BCAS3: variants seen among roughly 807,000 people sequenced by gnomAD.
BCAS3 encodes the protein BCAS4/BCAS3 fusion.
Under a neutral mutation model 116.1 loss-of-function variants are expected in BCAS3, and 53 were observed. The ratio of observed to expected loss-of-function variants is 0.46; its 90% CI spans 0.37 to 0.57. The LOEUF is 0.57. BCAS3 is among the 20% of genes least tolerant of loss of function. The probability of loss-of-function intolerance (pLI) is 0.00; values close to 1 mark genes in which losing one functional copy is unlikely to be tolerated. For synonymous variants in BCAS3, 391 were observed against 408.2 expected, an observed-to-expected ratio of 0.96 and a Z score of 0.51; for missense variants, 917 against 1,165.4, an observed-to-expected ratio of 0.79 and a Z score of 3.10.
chr17:60,851,394 A>G (rs1263032291), intron 7 of BCAS3: 6 of 384,390 alleles, frequency 1.6e-5, no homozygotes. Flanking sequence ...GCCCGAGAGG[A>G]AGGTCAGCTC....
chr17:60,712,648 T>G (rs1042301009), intron 5 of BCAS3, among the ~76,000 whole-genome samples: 3 of 152,210 alleles, frequency 2.0e-5, no homozygotes, highest in African/African-American at 7.2e-5. Context: ...TGAGTAGTTT[T>G]GTAGTTAAGG....
chr17:61,380,613 C>T lies in BCAS3; in HGVS notation c.2594-11364C>T, dbSNP rs532033557. 11 of 1,572,720 alleles carry T rather than the reference C, an allele frequency of 7.0e-6. No homozygotes were observed. The African/African-American group carries it at 8.1e-5, about 12-fold the overall frequency. ...CTTTGCCTATGTGGAAGGGGTTGTC[C>T]CGTTGCTTCTTTTGTCCCTCAAGAG... On this transcript the variant is annotated intron_variant, in intron 23 of 23. Coordinates refer to ENST00000407086, the MANE Select transcript of BCAS3 (RefSeq NM_017679.5). This position sits in a 1 kb window ranked among gnomAD's most constrained non-coding sequence, Gnocchi z 4.2.
rs7219765 is a variant in BCAS3, at chr17:61,365,254, T to C, written c.2426-3073T>C. ...CTTTATCCCTTAAAATATTACATAT[T>C]CCTCTGGCCTTTACCATCTCTTATG... On this transcript the variant is annotated intron_variant, in intron 22 of 23. Coordinates refer to ENST00000407086, the MANE Select transcript of BCAS3 (RefSeq NM_017679.5). This position sits in a 1 kb window ranked among gnomAD's most constrained non-coding sequence, Gnocchi z 4.6. 0.074 allele frequency among the ~76,000 whole-genome samples: 11,281 copies of C among 152,250 alleles called. 1,345 individuals carry two copies. The highest frequency in any genetic ancestry group is 0.25 in the African/African-American group (10,498 of 41,490).
chr17:61,081,202 C>T (rs1465736468), intron 21 of BCAS3, among the ~76,000 whole-genome samples: 1 of 152,086 alleles, frequency 6.6e-6, no homozygotes, highest in East Asian at 1.9e-4. Flanking sequence ...TTTGCTAAAC[C>T]GTGCACAAGA....
chr17:61,194,536 C>T (rs974835279), intron 22 of BCAS3, among the ~76,000 whole-genome samples: 14 of 151,820 alleles, frequency 9.2e-5, no homozygotes, highest in Admixed American at 4.6e-4. Flanking sequence ...GTCGGGAGTT[C>T]GAGACCAGCC....
intron 11 of BCAS3, among the ~76,000 whole-genome samples, chr17:60,910,198 A>G (rs1359528458): frequency 1.3e-5 from 2 of 152,224 alleles, no homozygotes. Flanking sequence ...TAAGATGTAT[A>G]CATTAAGAGG....
rs557975824 is a variant in BCAS3 at position 61,004,690 on chromosome 17, A to G, written c.1487-11061A>G. On this transcript the variant is annotated intron_variant, in intron 15 of 23. Transcript: ENST00000407086. This position sits in a 1 kb window ranked among gnomAD's most constrained non-coding sequence, Gnocchi z 4.8. ...ATTTTGAATTTGGAGGAGGATGAGA[A>G]AAGGAAAAGGATTTAAGGTTCATTG... is the stretch of plus-strand genomic sequence containing the variant. Among the ~76,000 whole-genome samples the G allele has an allele frequency of 5.3e-5, 8 of 152,216 alleles. No homozygotes were observed. In the South Asian group the frequency reaches 1.7e-3, roughly 32 times the overall value.
intron 22 of BCAS3, among the ~76,000 whole-genome samples, chr17:61,146,533 C>A (rs1601570310): frequency 1.3e-5 from 2 of 152,124 alleles, no homozygotes; most frequent in Non-Finnish European, 2.9e-5. Flanking sequence ...CTCCCCACAA[C>A]CCTCAAATAT....
At chr17:60,682,780 C>G (rs1219532659) in intron 2 of BCAS3, among the ~76,000 whole-genome samples, 1 of 152,124 alleles carries the variant, frequency 6.6e-6, no homozygotes, top group Non-Finnish European at 1.5e-5. Flanking sequence ...CCTCGGCCTC[C>G]CAAAGTGCTG....
intron 3 of BCAS3, among the ~76,000 whole-genome samples, chr17:60,684,871 G>GT (rs2033787265): frequency 6.6e-6 from 1 of 152,036 alleles, no homozygotes; most frequent in Non-Finnish European, 1.5e-5. Context: ...CTTTATGAGA[G>GT]GATCCTAGAA....
intron 5 of BCAS3, among the ~76,000 whole-genome samples, chr17:60,746,197 C>A (rs1945275663): frequency 6.6e-6 from 1 of 152,060 alleles, no homozygotes; most frequent in Non-Finnish European, 1.5e-5. Context: ...AAACACTAGG[C>A]AATTATGAAA....
At chr17:61,090,816 C>T (rs1465647150) in intron 22 of BCAS3, among the ~76,000 whole-genome samples, 3 of 152,216 alleles carry the variant, frequency 2.0e-5, no homozygotes, top group East Asian at 3.9e-4. Flanking sequence ...TGCCACCATG[C>T]CCAGCTAACT....
intron 22 of BCAS3, among the ~76,000 whole-genome samples, chr17:61,212,783 C>T (rs2081540766): frequency 6.6e-6 from 1 of 152,150 alleles, no homozygotes; most frequent in Admixed American, 6.5e-5. Flanking sequence ...TCTTTGGAAT[C>T]ACAATTCATT....
At chr17:61,014,725 A>G (rs2065334252) in intron 15 of BCAS3, among the ~76,000 whole-genome samples, 1 of 152,102 alleles carries the variant, frequency 6.6e-6, no homozygotes, top group Non-Finnish European at 1.5e-5. Context: ...ATAATTATGT[A>G]TGTAGAAAAT....
chr17:61,338,888 G>GAAAAA (rs57701817), intron 22 of BCAS3, among the ~76,000 whole-genome samples: 1 of 67,278 alleles, frequency 1.5e-5, no homozygotes, highest in Non-Finnish European at 3.2e-5. Flanking sequence ...CCCTTACTGG[G>GAAAAA]AAAAAAAAAA....
intron 7 of BCAS3, among the ~76,000 whole-genome samples, chr17:60,847,532 T>TA (rs2052648156): frequency 6.6e-6 from 1 of 152,210 alleles, no homozygotes; most frequent in Non-Finnish European, 1.5e-5. Flanking sequence ...ATGACCAACC[T>TA]AGTGGCTGTA....
intron 6 of BCAS3, among the ~76,000 whole-genome samples, chr17:60,751,523 GTTTCTTTTTTTTCTTTTTC>G (rs201417250): frequency 1.3e-5 from 2 of 149,542 alleles, no homozygotes; most frequent in Non-Finnish European, 2.9e-5. Flanking sequence ...TTTTTAATTT[GTTTCTTTTTTTTCTTTTTC>G]TTTTTTTTTT....
At chr17:60,806,122 C>T (rs571031611) in intron 6 of BCAS3, among the ~76,000 whole-genome samples, 4 of 151,846 alleles carry the variant, frequency 2.6e-5, no homozygotes, top group Admixed American at 6.5e-5. Flanking sequence ...GTGATCCACC[C>T]GCCTCGGCCT....
chr17:60,961,381 G>C lies in BCAS3; in HGVS notation c.1221+14029G>C, dbSNP rs1418583802. On this transcript the variant is annotated intron_variant, in intron 14 of 23. Coordinates refer to ENST00000407086, the MANE Select transcript of BCAS3 (RefSeq NM_017679.5). The surrounding 1 kb of genome is among the most constrained non-coding windows in gnomAD (Gnocchi z 4.8). ...TGAAATCAGTAGGGCTGGCCAGAAG[G>C]AATGTCCAGGTGGAAACTGTCATGC... is the stretch of plus-strand genomic sequence containing the variant. 6.6e-6 allele frequency among the ~76,000 whole-genome samples: 1 copy of C among 152,112 alleles called. No individual in the cohort carries two copies. Among genetic ancestry groups the C allele is most frequent in the Non-Finnish European group, 1.5e-5 (1 of 68,034 alleles).
Sources: gnomAD v4.1 joint callset for allele counts (sites outside exome capture counted in the v4.1 genomes callset) on GRCh38, gnomAD v4.1.1 for gene constraint, Gnocchi (gnomAD v3.1) non-coding constraint, MANE v1.5 for transcripts, NCBI Gene and HGNC (gene_info 2026-07-23, HGNC 2026-07-21) for gene names.